The following PSMD14 variants were observed in gnomAD, a reference collection of about 807,000 sequenced individuals.
The protein encoded by PSMD14 is proteasome 26S subunit, non-ATPase 14, also known as ubiquitin C-terminal hydrolase PSMD14.
PSMD14 carries 7 observed loss-of-function variants against 41.2 expected under a neutral mutation model. The ratio of observed to expected loss-of-function variants is 0.17; its 90% CI spans 0.10 to 0.32. The LOEUF (loss-of-function observed/expected upper bound fraction) is 0.32. Ranked by LOEUF, PSMD14 falls within the 10% of genes least tolerant of loss-of-function variation. PSMD14 has a pLI of 1.00. For synonymous variants in PSMD14, 114 were observed against 122.3 expected (o/e 0.93, Z 0.45); for missense variants, 139 against 375.6 (o/e 0.37, Z 5.21).
At chr2:161,354,386 C>A (rs1442516163) in intron 3 of PSMD14, among the ~76,000 whole-genome samples, 1 of 152,102 alleles carries the variant, frequency 6.6e-6, no homozygotes, top group Admixed American at 6.6e-5. Flanking sequence ...GCTGAGACTA[C>A]AGATTTGAGC....
At chr2:161,381,231 A>G (rs553509069) in intron 7 of PSMD14, 7 of 149,392 alleles carry the variant, frequency 4.7e-5, no homozygotes, top group Non-Finnish European at 1.0e-4. Context: ...TTTTTATTAT[A>G]TATAATATAT....
At chr2:161,328,697 G>A (rs959631046) in intron 3 of PSMD14, among the ~76,000 whole-genome samples, 30 of 152,048 alleles carry the variant, frequency 2.0e-4, no homozygotes, top group African/African-American at 7.0e-4. Context: ...CTGAATAACT[G>A]AATTTCTAAT....
chr2:161,343,680 T>C (rs1397272897), intron 3 of PSMD14, among the ~76,000 whole-genome samples: 2 of 152,156 alleles, frequency 1.3e-5, no homozygotes, highest in African/African-American at 4.8e-5. Flanking sequence ...ATACAAAAGC[T>C]AGCCATGCAT....
intron 3 of PSMD14, among the ~76,000 whole-genome samples, chr2:161,360,948 A>G (rs1310971272): frequency 6.6e-6 from 1 of 152,246 alleles, no homozygotes; most frequent in Admixed American, 6.5e-5. Context: ...ACTTCTTGTC[A>G]TAAATGGGAA....
intron 3 of PSMD14, among the ~76,000 whole-genome samples, chr2:161,359,169 A>G (rs535978030): frequency 3.2e-4 from 48 of 152,196 alleles, no homozygotes; most frequent in Middle Eastern, 6.8e-3. Flanking sequence ...ATGCGGTCTT[A>G]CTATGTTGCC....
chr2:161,375,892 A>G (rs952414839), intron 7 of PSMD14, among the ~76,000 whole-genome samples: 1 of 151,760 alleles, frequency 6.6e-6, no homozygotes, highest in Non-Finnish European at 1.5e-5. Flanking sequence ...TAAAATAAAA[A>G]GTTAGTGAAT....
At chr2:161,338,233 TA>T (rs1435977840) in intron 3 of PSMD14, among the ~76,000 whole-genome samples, 1 of 152,152 alleles carries the variant, frequency 6.6e-6, no homozygotes, top group African/African-American at 2.4e-5. Flanking sequence ...TTTAGAGCTA[TA>T]AATTACGAGA....
chr2:161,317,205 G>A (rs1361554258), intron 2 of PSMD14, among the ~76,000 whole-genome samples: 1 of 152,096 alleles, frequency 6.6e-6, no homozygotes, highest in East Asian at 1.9e-4. Flanking sequence ...ATTTCAATGA[G>A]TATTTGATGG....
chr2:161,315,711 A>G (rs1186594372), intron 1 of PSMD14, among the ~76,000 whole-genome samples: 2 of 152,128 alleles, frequency 1.3e-5, no homozygotes, highest in African/African-American at 2.4e-5. Flanking sequence ...TTTTCAGGGT[A>G]TAAGAAAAAT....
At chr2:161,391,224 A>G in intron 9 of PSMD14, 46 bp downstream of exon 9, 2 of 1,460,342 alleles carry the variant, frequency 1.4e-6, no homozygotes, top group Non-Finnish European at 1.8e-6. Context: ...ATCTTTTTCA[A>G]ACCATTTAAA....
At chr2:161,320,554 T>C (rs1408710353) in intron 3 of PSMD14, among the ~76,000 whole-genome samples, 2 of 152,156 alleles carry the variant, frequency 1.3e-5, no homozygotes, top group Non-Finnish European at 2.9e-5. Flanking sequence ...GGAACTCTTA[T>C]TTTTATGGTA....
chr2:161,410,849 TAGA>T (rs746345582), intron 11 of PSMD14, among the ~76,000 whole-genome samples: 30 of 152,234 alleles, frequency 2.0e-4, no homozygotes, highest in Admixed American at 8.5e-4. Context: ...TTATAAAACA[TAGA>T]AGAAGTGCTG....
intron 8 of PSMD14, among the ~76,000 whole-genome samples, chr2:161,389,024 G>GT (rs1400894305): frequency 6.6e-6 from 1 of 152,086 alleles, no homozygotes; most frequent in African/African-American, 2.4e-5. Context: ...CCTTTGTTTT[G>GT]TTATTGTTAT....
intron 1 of PSMD14, among the ~76,000 whole-genome samples, chr2:161,315,984 GGTGC>G (rs1308397689): frequency 2.6e-5 from 4 of 151,866 alleles, no homozygotes; most frequent in Non-Finnish European, 5.9e-5. Context: ...TGGGATTACA[GGTGC>G]CTGCCACCAC....
chr2:161,391,272 C>T, intron 9 of PSMD14, 94 bp downstream of exon 9: 1 of 1,246,584 alleles, frequency 8.0e-7, no homozygotes, highest in Non-Finnish European at 1.1e-6. Context: ...GAATTTTTGA[C>T]CTCTTTCAGT....
chr2:161,329,290 C>A (rs1158430921), intron 3 of PSMD14, among the ~76,000 whole-genome samples: 1 of 152,106 alleles, frequency 6.6e-6, no homozygotes, highest in East Asian at 1.9e-4. Context: ...ATGTAATGAA[C>A]CATCATAGAT....
intron 3 of PSMD14, among the ~76,000 whole-genome samples, chr2:161,320,734 AT>A (rs894477395): frequency 1.3e-5 from 2 of 150,634 alleles, no homozygotes; most frequent in African/African-American, 2.4e-5. Flanking sequence ...ATTTATTATA[AT>A]TTTTTTTTGA....
At chr2:161,341,085 CCCAGCCCCGCGGGCTCTCCAGGCTCCT>C in intron 3 of PSMD14, 1 of 1,526,104 alleles carries the variant, frequency 6.6e-7, no homozygotes, top group Non-Finnish European at 8.8e-7. Context: ...CCCGAGCTCC[CCCAGCCCCGCGGGCTCTCCAGGCTCCT>C]CCGGCCCCGC....
chr2:161,407,338 C>G (rs1198976741), intron 10 of PSMD14, among the ~76,000 whole-genome samples: 1 of 152,076 alleles, frequency 6.6e-6, no homozygotes, highest in Admixed American at 6.6e-5. Context: ...TGAGCATATT[C>G]TCTGTCTAGA....
Sources: gnomAD v4.1 joint callset for allele counts (sites outside exome capture counted in the v4.1 genomes callset) on GRCh38, gnomAD v4.1.1 for gene constraint, MANE v1.5 for transcripts, NCBI Gene and HGNC (gene_info 2026-07-23, HGNC 2026-07-21) for gene names.